Variants in TBC1D1 observed in about 807,000 individuals in gnomAD.
TBC1D1 encodes TBC1 domain family member 1.
Under a neutral mutation model 125.6 loss-of-function variants are expected in TBC1D1, and 89 were observed. The observed-to-expected ratio is 0.71, with a 90% CI of 0.60 to 0.85. The LOEUF is 0.85. TBC1D1 is among the 40% of genes least tolerant of loss of function. The pLI, the probability that TBC1D1 is intolerant of heterozygous loss-of-function variation, is 0.00. For missense variants in TBC1D1, 1,377 were observed against 1,469.2 expected, an observed-to-expected ratio of 0.94 and a Z score of 1.03; for synonymous variants, 565 against 564.1, an observed-to-expected ratio of 1.00 and a Z score of -0.02.
chr4:38,095,869 T>C (rs909930128), intron 13 of TBC1D1, 60 bp from the exon 16 acceptor site: 8 of 1,515,604 alleles, frequency 5.3e-6, no homozygotes, highest in Middle Eastern at 1.8e-4. Flanking sequence ...AGCCATGTTG[T>C]GTAATGGAAA....
intron 14 of TBC1D1, among the ~76,000 whole-genome samples, chr4:38,098,913 C>A (rs1052131703): frequency 6.6e-6 from 1 of 152,032 alleles, no homozygotes; most frequent in African/African-American, 2.4e-5. Flanking sequence ...AGATGAGGGG[C>A]CAGGATTAGG....
At position 37,976,767 on chromosome 4, in the gene TBC1D1, T is replaced by C. The variant is rs766435; in HGVS notation, c.418-37742T>C. The stretch of plus-strand genomic sequence containing the variant: ...CTTGCCTTGGGAGAGAAGAAAACTA[T>C]GGTGAAATCAACATTTCTCAAGTTG... On this transcript the variant is annotated intron_variant, in intron 2 of 19. Coordinates refer to ENST00000261439, the MANE Select transcript of TBC1D1 (RefSeq NM_015173.4). Among the ~76,000 whole-genome samples, 3 of 152,312 alleles carry C rather than the reference T, an allele frequency of 2.0e-5. No individual in the cohort carries two copies. In the South Asian group the frequency reaches 6.2e-4, roughly 32 times the overall value.
chr4:37,984,224 T>A (rs1734963388), intron 2 of TBC1D1, among the ~76,000 whole-genome samples: 1 of 152,218 alleles, frequency 6.6e-6, no homozygotes, highest in East Asian at 1.9e-4. Context: ...ACTATAAACA[T>A]CTCTGTGTAG....
intron 2 of TBC1D1, among the ~76,000 whole-genome samples, chr4:37,975,826 T>A (rs891304901): frequency 1.3e-5 from 2 of 152,216 alleles, no homozygotes; most frequent in Admixed American, 1.3e-4. Context: ...TTAATGATAT[T>A]CATATATAAT....
At chr4:38,036,542 G>A (rs116180286) in intron 8 of TBC1D1, among the ~76,000 whole-genome samples, 33 of 152,284 alleles carry the variant, frequency 2.2e-4, no homozygotes, top group African/African-American at 7.2e-4. Context: ...CCCCACGTAC[G>A]TGTTCCAAAG....
chr4:37,943,697 A>C (rs1219090522), intron 2 of TBC1D1, among the ~76,000 whole-genome samples: 2 of 152,184 alleles, frequency 1.3e-5, no homozygotes, highest in East Asian at 3.8e-4. Context: ...AGGTCCTTTA[A>C]GGACTTCTCT....
chr4:37,972,151 C>G (rs905151991), intron 2 of TBC1D1, among the ~76,000 whole-genome samples: 3 of 152,172 alleles, frequency 2.0e-5, no homozygotes, highest in African/African-American at 7.2e-5. Flanking sequence ...GTTCTCAATT[C>G]TGACTGCATG....
chr4:37,905,891 A>T (rs1717207621), intron 2 of TBC1D1, among the ~76,000 whole-genome samples: 1 of 152,246 alleles, frequency 6.6e-6, no homozygotes, highest in East Asian at 1.9e-4. Context: ...CACCCGTTTA[A>T]AATTTCCATT....
At chr4:38,136,749 G>T (rs2152651043) in intron 19 of TBC1D1, among the ~76,000 whole-genome samples, 1 of 152,306 alleles carries the variant, frequency 6.6e-6, no homozygotes, top group East Asian at 1.9e-4. Context: ...TGGCACAACG[G>T]AAGTCTTTGT....
intron 13 of TBC1D1, among the ~76,000 whole-genome samples, chr4:38,092,596 G>A (rs1758605976): frequency 6.6e-6 from 1 of 151,880 alleles, no homozygotes; most frequent in Admixed American, 6.6e-5. Flanking sequence ...TTAGCCAGGT[G>A]TGGTTGTGCA....
chr4:38,023,259 A>G (rs1260983623), intron 6 of TBC1D1, among the ~76,000 whole-genome samples: 3 of 146,798 alleles, frequency 2.0e-5, no homozygotes, highest in African/African-American at 7.6e-5. Context: ...AAAAAAAAAA[A>G]GGAATATTTA....
Position 38,014,735 on chromosome 4 carries a change from A to ACCCCCCCCCACCCCCCCCCCC in TBC1D1, c.647_648insCCCCCCACCCCCCCCCCCCCC (p.Pro217_His218insProProProProProProPro). 7.1e-7 allele frequency: 1 copy of ACCCCCCCCCACCCCCCCCCCC among 1,409,396 alleles called. No individual in the cohort carries two copies. The allele number at this position is 1,409,396 out of a possible 1,614,324, so 87.3% of individuals were successfully genotyped here. ...CGGGGGTCCGAGAGCCCCCGCCCCA[A>ACCCCCCCCCACCCCCCCCCCC]CCCGCCCCATGCCGCGCCCACAGGG... On this transcript the variant is annotated inframe_insertion, in exon 3 of 20. Transcript: ENST00000261439. The surrounding 1 kb of genome is among the most constrained non-coding windows in gnomAD (Gnocchi z 5.1).
At chr4:37,945,890 G>T (rs1353358118) in intron 2 of TBC1D1, among the ~76,000 whole-genome samples, 1 of 152,128 alleles carries the variant, frequency 6.6e-6, no homozygotes, top group Non-Finnish European at 1.5e-5. Flanking sequence ...GTTTAAAGTC[G>T]CAGCCAAAAT....
chr4:37,897,184 A>C (rs1022119138), intron 1 of TBC1D1, among the ~76,000 whole-genome samples: 7 of 152,236 alleles, frequency 4.6e-5, no homozygotes, highest in African/African-American at 1.7e-4. Flanking sequence ...TTAAAAAATA[A>C]TCAAATGGTT....
intron 18 of TBC1D1, among the ~76,000 whole-genome samples, chr4:38,130,180 T>C (rs1765356922): frequency 6.6e-6 from 1 of 152,238 alleles, no homozygotes; most frequent in African/African-American, 2.4e-5. Flanking sequence ...TGAAGCCAGT[T>C]ATATATAGCG....
At chr4:37,894,771 A>C (rs1011626988) in intron 1 of TBC1D1, among the ~76,000 whole-genome samples, 3 of 152,176 alleles carry the variant, frequency 2.0e-5, no homozygotes, top group African/African-American at 7.2e-5. Context: ...TGCTGAGGCC[A>C]AGCAAAATTT....
chr4:38,131,981 T>A (rs1410202814), intron 18 of TBC1D1, among the ~76,000 whole-genome samples: 1 of 152,182 alleles, frequency 6.6e-6, no homozygotes, highest in Non-Finnish European at 1.5e-5. Context: ...TTGTTGGGAA[T>A]GGTGAGAAAG....
intron 2 of TBC1D1, among the ~76,000 whole-genome samples, chr4:37,909,205 TG>T (rs1718010622): frequency 6.6e-6 from 1 of 152,200 alleles, no homozygotes; most frequent in South Asian, 2.1e-4. Context: ...CCAGCCTCTC[TG>T]GGCTGCATGT....
intron 11 of TBC1D1, chr4:38,053,161 A>C: frequency 6.5e-7 from 1 of 1,537,594 alleles, no homozygotes; most frequent in Non-Finnish European, 8.8e-7. Flanking sequence ...CTCTGTGCCA[A>C]ATTTTCTAAA....
Sources: allele counts gnomAD v4.1 joint callset (sites outside exome capture counted in the v4.1 genomes callset), GRCh38; gene constraint gnomAD v4.1.1; non-coding constraint Gnocchi (gnomAD v3.1); transcripts MANE v1.5; gene names NCBI Gene and HGNC (gene_info 2026-07-23, HGNC 2026-07-21).